The following CDKN2C variants were observed in gnomAD, a reference collection of about 807,000 sequenced individuals.
The protein encoded by CDKN2C is cyclin dependent kinase inhibitor 2C, also known as cyclin-dependent kinase 4 inhibitor C.
A neutral mutation model predicts 11.0 loss-of-function variants in CDKN2C; 5 were observed. The observed-to-expected ratio is 0.45, with a 90% CI of 0.24 to 0.95. The LOEUF (loss-of-function observed/expected upper bound fraction) is 0.95. Ranked by LOEUF, CDKN2C falls within the 40% of genes least tolerant of loss-of-function variation. The pLI is 0.21. For synonymous variants in CDKN2C, 79 were observed against 88.3 expected (o/e 0.89, Z 0.59); for missense variants, 161 against 211.9 (o/e 0.76, Z 1.49).
intron 1 of CDKN2C, among the ~76,000 whole-genome samples, chr1:50,961,110 G>T (rs1350638586): frequency 6.6e-6 from 1 of 151,828 alleles, no homozygotes; most frequent in African/African-American, 2.4e-5. Context: ...ATCTCGGCTC[G>T]CTGCGACCTC....
At chr1:50,964,951 G>A (rs1482388471) in intron 1 of CDKN2C, among the ~76,000 whole-genome samples, 1 of 152,124 alleles carries the variant, frequency 6.6e-6, no homozygotes, top group Non-Finnish European at 1.5e-5. Context: ...GTACTCGGGG[G>A]CTGAGGCAGA....
At chr1:50,972,116 T>G (rs1645384243) in intron 1 of CDKN2C, among the ~76,000 whole-genome samples, 1 of 152,198 alleles carries the variant, frequency 6.6e-6, no homozygotes, top group African/African-American at 2.4e-5. Context: ...TAGTGTACAT[T>G]TTTCTATCAG....
chr1:50,967,442 T>C (rs1645352671), upstream of CDKN2C, among the ~76,000 whole-genome samples: 1 of 152,208 alleles, frequency 6.6e-6, no homozygotes, highest in Admixed American at 6.5e-5. Context: ...CTTCCCAGTT[T>C]CAACTTTCCC....
At chr1:50,967,199 T>C (rs1444220982), upstream of CDKN2C, among the ~76,000 whole-genome samples, 1 of 152,228 alleles carries the variant, frequency 6.6e-6, no homozygotes, top group Admixed American at 6.5e-5. Context: ...TCTGGCTGTA[T>C]GAAAAGATTA....
chr1:50,970,361 C>G lies in CDKN2C; in HGVS notation c.-8C>G, dbSNP rs1257363769. The G allele has an allele frequency of 1.2e-6, 2 of 1,613,936 alleles. No homozygotes were observed. The highest frequency in any genetic ancestry group is 1.7e-6 in the Non-Finnish European group (2 of 1,180,008). On this transcript the variant is annotated 5_prime_UTR_variant, in exon 1 of 2. Transcript: ENST00000371761. ...TTCATCTTTTCCTGATCGTCAGGACCCTAAAGAATGGCCGAGCCTTGGGGG... is the reference window on the plus strand; with the variant it reads ...TTCATCTTTTCCTGATCGTCAGGACGCTAAAGAATGGCCGAGCCTTGGGGG...
upstream of CDKN2C, chr1:50,969,322 C>T (rs1387141115): frequency 6.7e-6 from 1 of 150,276 alleles, no homozygotes; most frequent in Non-Finnish European, 1.5e-5. This position sits in a 1 kb window ranked among gnomAD's most constrained non-coding sequence, Gnocchi z 6.6. Context: ...TGAACGAGCT[C>T]GGTCGTAGGC....
At chr1:50,972,054 C>A (rs1389502705) in intron 1 of CDKN2C, among the ~76,000 whole-genome samples, 3 of 152,102 alleles carry the variant, frequency 2.0e-5, no homozygotes, top group African/African-American at 4.8e-5. Context: ...GGTGAATTTT[C>A]TTCTACAATT....
chr1:50,965,059 T>TAGATAGAC (rs903906816), intron 1 of CDKN2C, among the ~76,000 whole-genome samples: 3 of 143,330 alleles, frequency 2.1e-5, no homozygotes, highest in African/African-American at 7.8e-5. Context: ...CTCAAAAATA[T>TAGATAGAC]AGATAGATAG....
Position 50,961,886 on chromosome 1 carries a change from T to C in CDKN2C, c.-1976+1083T>C, listed in dbSNP as rs1645326247. Among the ~76,000 whole-genome samples, 2 of 152,234 alleles carry C rather than the reference T, an allele frequency of 1.3e-5. 1 individual carries two copies. Among genetic ancestry groups the C allele is most frequent in the African/African-American group, 4.8e-5 (2 of 41,440 alleles). ...ATATATTCATGAGAAATCAGAAATA[T>C]GACCTAATTGTTCAGTTTCACTGAA... is the stretch of plus-strand genomic sequence containing the variant. On this transcript the variant is annotated intron_variant, in intron 1 of 3. Coordinates refer to the CDKN2C transcript ENST00000262662.
chr1:50,961,550 T>C (rs573934201), intron 1 of CDKN2C, among the ~76,000 whole-genome samples: 103 of 152,352 alleles, frequency 6.8e-4, no homozygotes, highest in African/African-American at 2.3e-3. Flanking sequence ...TGGATTGTCA[T>C]GGGGCATTTA....
chr1:50,967,934 A>T (rs930016676), upstream of CDKN2C: 15 of 152,254 alleles, frequency 9.9e-5, no homozygotes, highest in African/African-American at 3.1e-4. Flanking sequence ...CTCTAATAAT[A>T]GGACTATTTC....
intron 1 of CDKN2C, among the ~76,000 whole-genome samples, chr1:50,970,760 G>A (rs1645375212): frequency 6.6e-6 from 1 of 152,086 alleles, no homozygotes; most frequent in Non-Finnish European, 1.5e-5. Context: ...TGTGACGGTG[G>A]GGATTTTAAA....
intron 1 of CDKN2C, among the ~76,000 whole-genome samples, chr1:50,962,838 AAAC>A (rs1287419137): frequency 1.3e-5 from 2 of 152,228 alleles, no homozygotes; most frequent in Non-Finnish European, 2.9e-5. Flanking sequence ...ATAAATGAAA[AAAC>A]AATTATGAAA....
chr1:50,966,290 ACCT>A (rs879592154), upstream of CDKN2C, among the ~76,000 whole-genome samples: 132 of 152,030 alleles, frequency 8.7e-4, no homozygotes, highest in Non-Finnish European at 1.6e-3. Flanking sequence ...TGATCTGCCC[ACCT>A]CAGCCTCCCA....
chr1:50,962,620 A>ATTCAAATCCCATGTTGCTCCCATGT (rs1645331521), intron 1 of CDKN2C, among the ~76,000 whole-genome samples: 1 of 152,230 alleles, frequency 6.6e-6, no homozygotes, highest in Non-Finnish European at 1.5e-5. Flanking sequence ...TGTGTACCTC[A>ATTCAAATCCCATGTTGCTCCCATGT]GAACCCATTC....
upstream of CDKN2C, chr1:50,970,017 C>A: frequency 2.4e-6 from 1 of 421,246 alleles, no homozygotes; most frequent in East Asian, 4.1e-5. Context: ...AGCGTAGGTA[C>A]GTGACAGCTC....
upstream of CDKN2C, among the ~76,000 whole-genome samples, chr1:50,967,188 C>G (rs1399511216): frequency 6.6e-6 from 1 of 152,164 alleles, no homozygotes; most frequent in Non-Finnish European, 1.5e-5. Context: ...TCCTCACACC[C>G]TCTGGCTGTA....
At chr1:50,969,776 C>T (rs895688906), upstream of CDKN2C, 2 of 181,462 alleles carry the variant, frequency 1.1e-5, no homozygotes, top group Non-Finnish European at 2.3e-5. The surrounding 1 kb of genome is among the most constrained non-coding windows in gnomAD (Gnocchi z 6.6). Context: ...GCCACCGCGG[C>T]GCTCTCCCAG....
At position 50,974,214 on chromosome 1, in the gene CDKN2C, G is replaced by A; in HGVS notation, c.451G>A (p.Glu151Lys). ...TTTGGCCAGGCTCTATGGGAGGAATGAGGTTGTTAGCCTGATGCAGGCAAA... is the reference window on the plus strand; with the variant it reads ...TTTGGCCAGGCTCTATGGGAGGAATAAGGTTGTTAGCCTGATGCAGGCAAA... Reference protein sequence around the residue: ...CDLARLYGRNEVVSLMQANGA... With the variant: ...CDLARLYGRNKVVSLMQANGA... The change falls in exon 2 of 2, where the codon GAG becomes AAG. Residue 151 changes from glutamate to lysine, a missense_variant. Coordinates refer to ENST00000371761, the MANE Select transcript of CDKN2C (RefSeq NM_078626.3). The A allele has an allele frequency of 6.2e-7, 1 of 1,604,080 alleles. No homozygotes were observed. Among genetic ancestry groups the A allele is most frequent in the Non-Finnish European group, 8.5e-7 (1 of 1,173,172 alleles).
Sources: gnomAD v4.1 joint callset for allele counts (sites outside exome capture counted in the v4.1 genomes callset) on GRCh38, gnomAD v4.1.1 for gene constraint, Gnocchi (gnomAD v3.1) non-coding constraint, MANE v1.5 for transcripts, NCBI Gene and HGNC (gene_info 2026-07-23, HGNC 2026-07-21) for gene names.